The following KLHL14 variants were observed in gnomAD, a reference collection of about 807,000 sequenced individuals.
KLHL14 encodes the protein kelch-like protein 14.
KLHL14 carries 22 observed loss-of-function variants against 64.3 expected under a neutral mutation model. The ratio of observed to expected loss-of-function variants is 0.34; its 90% confidence interval spans 0.24 to 0.49. The LOEUF is 0.49. KLHL14 is among the 20% of genes least tolerant of loss of function. KLHL14 has a pLI of 0.99. For missense variants in KLHL14, 661 were observed against 789.0 expected, an observed-to-expected ratio of 0.84 and a Z score of 1.94; for synonymous variants, 322 against 333.4, an observed-to-expected ratio of 0.97 and a Z score of 0.37.
At chr18:32,712,791 T>C (rs2050026188) in intron 3 of KLHL14, among the ~76,000 whole-genome samples, 1 of 152,220 alleles carries the variant, frequency 6.6e-6, no homozygotes, top group Non-Finnish European at 1.5e-5. Context: ...GGACACAATG[T>C]TGTTAAATTA....
intron 3 of KLHL14, chr18:32,734,196 T>G: frequency 1.4e-6 from 1 of 702,922 alleles, no homozygotes; most frequent in South Asian, 1.5e-5. Context: ...TTCTGAACTC[T>G]GGTGAGCTTG....
At chr18:32,716,957 T>C (rs933393917) in intron 3 of KLHL14, among the ~76,000 whole-genome samples, 8 of 152,190 alleles carry the variant, frequency 5.3e-5, no homozygotes, top group Admixed American at 4.6e-4. Context: ...GCTAGACAGA[T>C]GTCTAGACTG....
At chr18:32,762,357 C>T (rs892367894) in intron 2 of KLHL14, among the ~76,000 whole-genome samples, 1 of 151,996 alleles carries the variant, frequency 6.6e-6, no homozygotes, top group Admixed American at 6.6e-5. Flanking sequence ...CACCTAATTT[C>T]CAGTCTTTAG....
At chr18:32,703,765 G>A (rs761172423) in intron 3 of KLHL14, among the ~76,000 whole-genome samples, 4 of 152,028 alleles carry the variant, frequency 2.6e-5, no homozygotes, top group African/African-American at 7.2e-5. Context: ...AATTATGATC[G>A]TGTTATTTTA....
Position 32,673,702 on chromosome 18 carries a change from C to T in KLHL14, c.*955G>A, listed in dbSNP as rs1354965230. 1 of 152,144 alleles carries T rather than the reference C, an allele frequency of 6.6e-6. No individual in the cohort carries two copies. The highest frequency in any genetic ancestry group is 1.9e-4 in the East Asian group (1 of 5,196). 9.4% of individuals were successfully genotyped at this position (152,144 alleles called of 1,614,324 possible). The stretch of plus-strand genomic sequence containing the variant: ...TAGAAACAGAAAGACAACTGGAATT[C>T]TACTTAATGGAAATTATTCTTTCTT... On this transcript the variant is annotated 3_prime_UTR_variant, in exon 9 of 9. Transcript: ENST00000359358.
chr18:32,704,830 T>C (rs1323211682), intron 3 of KLHL14, among the ~76,000 whole-genome samples: 1 of 152,180 alleles, frequency 6.6e-6, no homozygotes, highest in Non-Finnish European at 1.5e-5. Flanking sequence ...TGAAGATGAA[T>C]TGTACACCAT....
At chr18:32,744,651 A>G (rs893409528) in intron 2 of KLHL14, 1 of 152,342 alleles carries the variant, frequency 6.6e-6, no homozygotes, top group Non-Finnish European at 1.5e-5. Context: ...TCTCAAAAAA[A>G]AAATGTGTTT....
At chr18:32,705,896 CTCT>C (rs2144495468) in intron 3 of KLHL14, among the ~76,000 whole-genome samples, 1 of 152,342 alleles carries the variant, frequency 6.6e-6, no homozygotes, top group Admixed American at 6.5e-5. Context: ...CTGGACCACT[CTCT>C]TCTTAGACAA....
chr18:32,727,124 G>A (rs2050112085), intron 3 of KLHL14, among the ~76,000 whole-genome samples: 1 of 152,206 alleles, frequency 6.6e-6, no homozygotes, highest in Non-Finnish European at 1.5e-5. Flanking sequence ...TACTATATTT[G>A]TGAATGACTA....
chr18:32,719,826 G>A (rs1056577995), intron 3 of KLHL14, among the ~76,000 whole-genome samples: 3 of 152,208 alleles, frequency 2.0e-5, no homozygotes, highest in Non-Finnish European at 4.4e-5. Context: ...TGTCAGAGGT[G>A]GCTCAGGAGT....
In KLHL14 at chr18:32,751,105, G is replaced by GT. The variant is rs2050248984; in HGVS notation, c.948-9057dup. ...AAGCTGCTCAGATCGTGGGGAGGAA[G>GT]TAACAGAGGTAGATCCCTCTACTCC... is the stretch of plus-strand genomic sequence containing the variant. On this transcript the variant is annotated intron_variant, in intron 2 of 8. Transcript: ENST00000359358. 2.6e-5 allele frequency among the ~76,000 whole-genome samples: 4 copies of GT among 152,304 alleles called. No homozygotes were observed. In the South Asian group the frequency reaches 8.3e-4, roughly 32 times the overall value.
intron 3 of KLHL14, chr18:32,740,904 C>G (rs776086141): frequency 1.3e-5 from 2 of 152,176 alleles, no homozygotes; most frequent in Non-Finnish European, 2.9e-5. Context: ...ACACATGTCT[C>G]TGCTCCTCTA....
At chr18:32,694,031 T>G (rs1307410470) in intron 4 of KLHL14, among the ~76,000 whole-genome samples, 2 of 152,196 alleles carry the variant, frequency 1.3e-5, no homozygotes, top group Non-Finnish European at 2.9e-5. Context: ...TTTTCTGTGT[T>G]GCTGCTTAAG....
intron 4 of KLHL14, among the ~76,000 whole-genome samples, chr18:32,694,806 A>C (rs1377783677): frequency 6.6e-6 from 1 of 152,220 alleles, no homozygotes; most frequent in African/African-American, 2.4e-5. Context: ...TTCATGTGCA[A>C]GCTTTCCAAA....
At chr18:32,759,328 G>A (rs749676) in intron 2 of KLHL14, among the ~76,000 whole-genome samples, 40,866 of 152,034 alleles carry the variant, frequency 0.27, 6,571 homozygotes, top group Non-Finnish European at 0.37. Flanking sequence ...CAATACTCAC[G>A]TTGTGGAAAT....
intron 2 of KLHL14, among the ~76,000 whole-genome samples, chr18:32,759,846 A>G (rs1265183949): frequency 1.3e-5 from 2 of 152,164 alleles, no homozygotes; most frequent in Non-Finnish European, 2.9e-5. Flanking sequence ...GCTACTGGGC[A>G]CACACTTCTG....
rs1452184290 is a variant in KLHL14 at position 32,685,968 on chromosome 18, A to C, written c.1238+1187T>G. ...TATTCAGGTGAGAAGTCATGTAAGA[A>C]ATAGAAAAGAGAAAGAATGCTGCTG... On this transcript the variant is annotated intron_variant, in intron 5 of 8. Coordinates refer to ENST00000359358, the MANE Select transcript of KLHL14 (RefSeq NM_020805.3). Among the ~76,000 whole-genome samples the C allele has an allele frequency of 2.0e-5, 3 of 152,132 alleles. No homozygotes were observed. The East Asian group carries it at 5.8e-4, about 29-fold the overall frequency.
At chr18:32,692,452 A>G (rs2049912341) in intron 4 of KLHL14, among the ~76,000 whole-genome samples, 1 of 152,210 alleles carries the variant, frequency 6.6e-6, no homozygotes, top group Non-Finnish European at 1.5e-5. Flanking sequence ...AAAGCATGTT[A>G]TATATTATCA....
intron 8 of KLHL14, among the ~76,000 whole-genome samples, chr18:32,676,147 T>G (rs2049810376): frequency 6.6e-6 from 1 of 152,036 alleles, no homozygotes. Flanking sequence ...ACGAAAGAAA[T>G]AAATAAAGGA....
Sources: gnomAD v4.1 joint callset for allele counts (sites outside exome capture counted in the v4.1 genomes callset) on GRCh38, gnomAD v4.1.1 for gene constraint, MANE v1.5 for transcripts, NCBI Gene and HGNC (gene_info 2026-07-23, HGNC 2026-07-21) for gene names.